The following DNAAF11 variants were observed in gnomAD, a reference collection of about 807,000 sequenced individuals.
DNAAF11 encodes the protein leucine rich repeat containing 6.
In DNAAF11, 45 loss-of-function variants were observed where a neutral mutation model predicts 60.8. The ratio of observed to expected loss-of-function variants is 0.74; its 90% confidence interval spans 0.58 to 0.95. The LOEUF (loss-of-function observed/expected upper bound fraction) is 0.95. Ranked by LOEUF, DNAAF11 falls within the 40% of genes least tolerant of loss-of-function variation. The probability of loss-of-function intolerance (pLI) is 0.00; values close to 1 mark genes in which losing one functional copy is unlikely to be tolerated. For missense variants in DNAAF11, 546 were observed against 546.2 expected (o/e 1.00, Z 0.00); for synonymous variants, 191 against 183.5 (o/e 1.04, Z -0.33).
the DNAAF11 span, among the ~76,000 whole-genome samples, chr8:132,692,244 A>C: frequency 1.3e-5 from 2 of 152,182 alleles, no homozygotes; most frequent in Admixed American, 1.3e-4. Flanking sequence ...ATTTGATTGG[A>C]GGTTAAGGTA....
At chr8:132,683,334 T>C in the DNAAF11 span, among the ~76,000 whole-genome samples, 2 of 152,180 alleles carry the variant, frequency 1.3e-5, no homozygotes, top group Non-Finnish European at 2.9e-5. Context: ...GCTCATGAGA[T>C]ACTCCACAAA....
chr8:132,648,622 G>T (rs2130693495), intron 3 of DNAAF11, among the ~76,000 whole-genome samples: 1 of 152,312 alleles, frequency 6.6e-6, no homozygotes, highest in Non-Finnish European at 1.5e-5. Flanking sequence ...CATTGTCTCA[G>T]CCAAAAATCT....
At chr8:132,611,190 G>A (rs192652160) in intron 9 of DNAAF11, 104 bp downstream of exon 9, 190 of 776,670 alleles carry the variant, frequency 2.4e-4, no homozygotes, top group African/African-American at 2.4e-3. Context: ...CACTGCGCCC[G>A]GGCCCTTTTT....
chr8:132,679,941 C>G (rs147810147), upstream of DNAAF11, among the ~76,000 whole-genome samples: 124 of 152,274 alleles, frequency 8.1e-4, 1 homozygote, highest in African/African-American at 2.8e-3. Context: ...CAGAATAATA[C>G]AAGCAGAGAA....
rs75888302 is a variant in DNAAF11, at chr8:132,592,870, G to A, written c.1141-9091C>T. Among the ~76,000 whole-genome samples, 989 of 151,994 alleles carry A rather than the reference G, an allele frequency of 6.5e-3. 10 individuals carry two copies. The highest frequency in any genetic ancestry group is 0.023 in the African/African-American group (938 of 41,460). The stretch of plus-strand genomic sequence containing the variant: ...ATGACAAAGATGATTTCAAGTGGGC[G>A]GATGAAAGGGATTTGGGAGGTATAG... On this transcript the variant is annotated intron_variant, in intron 10 of 11. Coordinates refer to ENST00000620350, the MANE Select transcript of DNAAF11 (RefSeq NM_012472.6).
chr8:132,665,027 T>C (rs1310744954), intron 1 of DNAAF11, among the ~76,000 whole-genome samples: 1 of 151,930 alleles, frequency 6.6e-6, no homozygotes, highest in African/African-American at 2.4e-5. Flanking sequence ...TGGACAGCAA[T>C]GATTATATAC....
intron 3 of DNAAF11, among the ~76,000 whole-genome samples, chr8:132,647,336 C>T (rs935765016): frequency 6.6e-6 from 1 of 152,068 alleles, no homozygotes; most frequent in Non-Finnish European, 1.5e-5. Flanking sequence ...AAAGACACAA[C>T]CTAACAGAAT....
chr8:132,691,788 C>T, the DNAAF11 span, among the ~76,000 whole-genome samples: 1 of 152,108 alleles, frequency 6.6e-6, no homozygotes, highest in African/African-American at 2.4e-5. Context: ...TCTCCCTAAA[C>T]ACCTGGGGAT....
At chr8:132,686,716 AACTT>A in the DNAAF11 span, among the ~76,000 whole-genome samples, 1 of 152,228 alleles carries the variant, frequency 6.6e-6, no homozygotes, top group Non-Finnish European at 1.5e-5. Context: ...GAGACCCTGG[AACTT>A]ACTTTGAGAA....
At chr8:132,663,221 G>A (rs993638287) in intron 1 of DNAAF11, among the ~76,000 whole-genome samples, 2 of 152,158 alleles carry the variant, frequency 1.3e-5, no homozygotes, top group African/African-American at 4.8e-5. Flanking sequence ...CCATTCAGCT[G>A]TCCCTGGAAT....
rs188574062 is a variant in DNAAF11 at position 132,588,711 on chromosome 8, T to C, written c.1141-4932A>G. On this transcript the variant is annotated intron_variant, in intron 10 of 11. Coordinates refer to ENST00000620350, the MANE Select transcript of DNAAF11 (RefSeq NM_012472.6). ...CTGTTCTCACATTGCTATAAAGAAA[T>C]ACCTGAGACTGGGTAATTTATAAAT... 3.8e-3 allele frequency among the ~76,000 whole-genome samples: 585 copies of C among 152,096 alleles called. 11 individuals are homozygous for C. Among genetic ancestry groups the C allele is most frequent in the African/African-American group, 0.014 (567 of 41,522 alleles).
chr8:132,638,965 C>T (rs1821584958), intron 3 of DNAAF11, among the ~76,000 whole-genome samples: 1 of 152,192 alleles, frequency 6.6e-6, no homozygotes. Flanking sequence ...AAGTTACAAG[C>T]TTCAGCCTGC....
At chr8:132,616,068 C>T (rs182892461) in intron 7 of DNAAF11, among the ~76,000 whole-genome samples, 30 of 152,004 alleles carry the variant, frequency 2.0e-4, no homozygotes, top group African/African-American at 6.0e-4. Flanking sequence ...TGCTCTGCCT[C>T]GATTGCTTAT....
chr8:132,619,737 T>G (rs1819567513), intron 7 of DNAAF11, among the ~76,000 whole-genome samples: 1 of 152,142 alleles, frequency 6.6e-6, no homozygotes, highest in Non-Finnish European at 1.5e-5. Context: ...AAGACAAAGA[T>G]TTTTAGAATT....
At chr8:132,644,903 G>A (rs1822219793) in intron 3 of DNAAF11, among the ~76,000 whole-genome samples, 1 of 152,220 alleles carries the variant, frequency 6.6e-6, no homozygotes, top group African/African-American at 2.4e-5. Flanking sequence ...TCCACCTCTG[G>A]GGGCAGGGCA....
chr8:132,603,076 C>A (rs1171175285), intron 10 of DNAAF11, among the ~76,000 whole-genome samples: 1 of 152,112 alleles, frequency 6.6e-6, no homozygotes, highest in Non-Finnish European at 1.5e-5. Context: ...TTGTTTTCTT[C>A]CCACCTGTGT....
the DNAAF11 span, among the ~76,000 whole-genome samples, chr8:132,692,820 G>T: frequency 1.8e-4 from 27 of 152,316 alleles, no homozygotes; most frequent in Admixed American, 4.6e-4. Flanking sequence ...CTGTTTCCCT[G>T]AGGGGAGGAA....
chr8:132,604,016 T>C (rs778597365), intron 10 of DNAAF11, among the ~76,000 whole-genome samples: 19 of 152,108 alleles, frequency 1.2e-4, no homozygotes, highest in Non-Finnish European at 2.6e-4. Context: ...TTGGTAGCCA[T>C]TATGGTTAAA....
At chr8:132,574,367 T>C (rs1814520017) in intron 11 of DNAAF11, among the ~76,000 whole-genome samples, 1 of 152,190 alleles carries the variant, frequency 6.6e-6, no homozygotes, top group Non-Finnish European at 1.5e-5. Flanking sequence ...TGCCTTGCAA[T>C]GTGTGCAGTC....
Sources: gnomAD v4.1 joint callset for allele counts (sites outside exome capture counted in the v4.1 genomes callset) on GRCh38, gnomAD v4.1.1 for gene constraint, MANE v1.5 for transcripts, NCBI Gene and HGNC (gene_info 2026-07-23, HGNC 2026-07-21) for gene names.